SLC26A7: variants seen among roughly 807,000 people sequenced by gnomAD.
SLC26A7 encodes solute carrier family 26 member 7.
A neutral mutation model predicts 82.5 loss-of-function variants in SLC26A7; 59 were observed. The ratio of observed to expected loss-of-function variants is 0.72; its 90% CI spans 0.58 to 0.89. The LOEUF is 0.89. Among genes scored for constraint, SLC26A7 ranks in the 40% least tolerant of loss-of-function variants. The pLI is 0.00. For synonymous variants in SLC26A7, 271 were observed against 274.3 expected (o/e 0.99, Z 0.12); for missense variants, 820 against 793.0 (o/e 1.03, Z -0.41).
rs191409083 is a variant in SLC26A7, at chr8:91,284,651, A to T, written c.194-4485A>T. Among the ~76,000 whole-genome samples, 515 of 152,282 alleles carry T rather than the reference A, an allele frequency of 3.4e-3. 9 individuals are homozygous for T. Among genetic ancestry groups the T allele is most frequent in the Non-Finnish European group, 9.9e-4 (67 of 68,014 alleles). On this transcript the variant is annotated intron_variant, in intron 2 of 18. Coordinates refer to ENST00000276609, the MANE Select transcript of SLC26A7 (RefSeq NM_052832.4). ...TGGTACCATGTATAGCAGAGATTGG[A>T]TGAAACTTTAACTCTTACATCTGAG...
At chr8:91,325,619 C>T (rs1435771105) in intron 5 of SLC26A7, among the ~76,000 whole-genome samples, 2 of 152,104 alleles carry the variant, frequency 1.3e-5, no homozygotes, top group African/African-American at 4.8e-5. Flanking sequence ...GCTCGTATGC[C>T]TGAGAAGCAG....
chr8:91,309,215 C>T (rs970974589), intron 4 of SLC26A7, among the ~76,000 whole-genome samples: 1 of 151,500 alleles, frequency 6.6e-6, no homozygotes, highest in Admixed American at 6.6e-5. Context: ...GCCCACTGCC[C>T]AACTCTTGAG....
intron 16 of SLC26A7, among the ~76,000 whole-genome samples, chr8:91,392,102 C>A (rs1035670123): frequency 6.6e-6 from 1 of 152,138 alleles, no homozygotes; most frequent in Admixed American, 6.5e-5. Flanking sequence ...CAGGATCAAT[C>A]AACTGATGCA....
At chr8:91,378,227 C>A (rs1025080969) in intron 15 of SLC26A7, among the ~76,000 whole-genome samples, 3 of 151,556 alleles carry the variant, frequency 2.0e-5, no homozygotes, top group African/African-American at 7.3e-5. Flanking sequence ...GGCAGAATCA[C>A]TGAGGTCCAA....
At chr8:91,346,063 A>T (rs867466910) in intron 9 of SLC26A7, among the ~76,000 whole-genome samples, 10 of 151,996 alleles carry the variant, frequency 6.6e-5, no homozygotes, top group East Asian at 1.9e-4. Context: ...TTTAATAGGA[A>T]TTTTTTTTCT....
chr8:91,324,764 G>T (rs1052704506), intron 5 of SLC26A7, among the ~76,000 whole-genome samples: 2 of 152,146 alleles, frequency 1.3e-5, no homozygotes, highest in African/African-American at 4.8e-5. Context: ...TTGAAGGTGG[G>T]TAACGTGGTC....
intron 5 of SLC26A7, among the ~76,000 whole-genome samples, chr8:91,319,048 T>A (rs1441154448): frequency 6.6e-6 from 1 of 152,222 alleles, no homozygotes; most frequent in Non-Finnish European, 1.5e-5. Context: ...GTATACTAAA[T>A]AACATTAATT....
chr8:91,386,251 A>G (rs1021538076), intron 15 of SLC26A7, among the ~76,000 whole-genome samples: 9 of 152,160 alleles, frequency 5.9e-5, no homozygotes, highest in African/African-American at 9.7e-5. Flanking sequence ...TCTTTCTAGC[A>G]AGCCTGTCTT....
Position 91,338,133 on chromosome 8 carries a change from C to T in SLC26A7, c.796-17C>T. The T allele has an allele frequency of 1.9e-6, 3 of 1,575,806 alleles. No homozygotes were observed. Among genetic ancestry groups the T allele is most frequent in the South Asian group, 1.2e-5 (1 of 84,190 alleles). ...GTAATGTATATATTTTTTCTTTTTT[C>T]AAATGGAACCACACAGATTATTGCT... On this transcript the variant is annotated splice_polypyrimidine_tract_variant and intron_variant, in intron 6 of 18. Transcript: ENST00000276609.
At chr8:91,238,207 T>C (rs1308440057) in intron 2 of SLC26A7, among the ~76,000 whole-genome samples, 1 of 152,156 alleles carries the variant, frequency 6.6e-6, no homozygotes, top group Non-Finnish European at 1.5e-5. Flanking sequence ...TTATATTCCT[T>C]TTTTATTTTC....
At chr8:91,372,791 G>A (rs1277033781) in intron 15 of SLC26A7, among the ~76,000 whole-genome samples, 1 of 151,746 alleles carries the variant, frequency 6.6e-6, no homozygotes, top group Non-Finnish European at 1.5e-5. Flanking sequence ...GTTAGGAATT[G>A]TATTGGATCT....
At chr8:91,333,540 T>C (rs958574363) in intron 5 of SLC26A7, among the ~76,000 whole-genome samples, 1 of 152,116 alleles carries the variant, frequency 6.6e-6, no homozygotes, top group African/African-American at 2.4e-5. Context: ...CTATCATCTA[T>C]AACCTGGCCA....
chr8:91,274,297 T>C (rs1335049336), intron 2 of SLC26A7, among the ~76,000 whole-genome samples: 1 of 152,254 alleles, frequency 6.6e-6, no homozygotes, highest in Non-Finnish European at 1.5e-5. Context: ...TGTCTTAGTC[T>C]ATTTTGTGCT....
At chr8:91,379,477 G>T (rs894142228) in intron 15 of SLC26A7, among the ~76,000 whole-genome samples, 1 of 152,032 alleles carries the variant, frequency 6.6e-6, no homozygotes, top group African/African-American at 2.4e-5. Context: ...AGGTCAATAT[G>T]ACAGAGTAGA....
chr8:91,343,840 C>G (rs565153837), intron 9 of SLC26A7: 1 of 319,354 alleles, frequency 3.1e-6, no homozygotes. Context: ...AAAAAGAAAT[C>G]AATCTTTGAC....
chr8:91,246,791 T>C (rs1810551115), upstream of SLC26A7, among the ~76,000 whole-genome samples: 1 of 151,664 alleles, frequency 6.6e-6, no homozygotes. Flanking sequence ...CAGGCTGAAA[T>C]ACTTTTGTTT....
In SLC26A7 at chr8:91,369,846, T is replaced by G. The variant is rs1563704497; in HGVS notation, c.1675+13T>G. On this transcript the variant is annotated intron_variant, in intron 15 of 18. Transcript: ENST00000276609. ...GGCAACTGCAATGGTGAGTTAGCTT[T>G]AAGGAAAAAGAAAATCTAAGTGTTT... The G allele has an allele frequency of 6.3e-7, 1 of 1,599,352 alleles. No individual in the cohort carries two copies. Among genetic ancestry groups the G allele is most frequent in the Non-Finnish European group, 8.5e-7 (1 of 1,170,622 alleles).
At chr8:91,394,523 A>T in intron 18 of SLC26A7, 1 of 1,313,800 alleles carries the variant, frequency 7.6e-7, no homozygotes, top group Non-Finnish European at 9.7e-7. Context: ...TGCTGGGCTT[A>T]TGGTTTAGTT....
rs1452636948 is a variant in SLC26A7 at position 91,351,841 on chromosome 8, T to C, written c.1172T>C (p.Leu391Pro). 8.7e-6 allele frequency: 14 copies of C among 1,612,636 alleles called. No individual in the cohort carries two copies. Among genetic ancestry groups the C allele is most frequent in the Non-Finnish European group, 1.2e-5 (14 of 1,178,892 alleles). The change falls in exon 10 of 19, where the codon CTT becomes CCT. Residue 391 changes from leucine to proline, a missense_variant. Leu to Pro is a moderately conservative substitution (Grantham distance 98). Coordinates refer to ENST00000276609, the MANE Select transcript of SLC26A7 (RefSeq NM_052832.4). ...VACLISCIFV[L>P]IVIYAIGPLL... Reference sequence around the variant, plus strand: ...TGTCTAATATCTTGCATTTTCGTCCTTATAGTCATCTATGCAATAGGACCT... The same window carrying C: ...TGTCTAATATCTTGCATTTTCGTCCCTATAGTCATCTATGCAATAGGACCT...
Sources: allele counts gnomAD v4.1 joint callset (sites outside exome capture counted in the v4.1 genomes callset), GRCh38; gene constraint gnomAD v4.1.1; transcripts MANE v1.5; gene names NCBI Gene and HGNC (gene_info 2026-07-23, HGNC 2026-07-21).